ACO2: variants seen among roughly 807,000 people sequenced by gnomAD.
ACO2 encodes aconitase 2, also known as aconitate hydratase, mitochondrial.
Under a neutral mutation model 84.5 loss-of-function variants are expected in ACO2, and 31 were observed. The observed-to-expected ratio is 0.37, with a 90% CI of 0.28 to 0.50. The LOEUF (loss-of-function observed/expected upper bound fraction) is 0.50, where lower values mean the gene tolerates loss of function less well. Among genes scored for constraint, ACO2 ranks in the 20% least tolerant of loss-of-function variants. The pLI is 0.97. For missense variants in ACO2, 685 were observed against 1,029.3 expected, an observed-to-expected ratio of 0.67 and a Z score of 4.58; for synonymous variants, 414 against 412.7, an observed-to-expected ratio of 1.00 and a Z score of -0.04.
intron 2 of ACO2, among the ~76,000 whole-genome samples, chr22:41,501,924 C>T (rs1440182781): frequency 6.6e-6 from 1 of 152,080 alleles, no homozygotes; most frequent in Admixed American, 6.5e-5. Context: ...ACAGGAGTAC[C>T]CACCTTGTTG....
chr22:41,475,652 T>C (rs2038004270), intron 1 of ACO2, among the ~76,000 whole-genome samples: 1 of 151,786 alleles, frequency 6.6e-6, no homozygotes. Flanking sequence ...CCCAGCACTT[T>C]GGGAGGCTGA....
intron 14 of ACO2, 65 bp downstream of exon 14, chr22:41,525,413 G>A (rs1326534226): frequency 2.1e-5 from 33 of 1,588,462 alleles, no homozygotes; most frequent in Non-Finnish European, 2.7e-5. Flanking sequence ...CTGAGCATCG[G>A]GAAGGGCCAT....
In ACO2 at chr22:41,515,700, A is replaced by G. The variant is rs993293125; in HGVS notation, c.685-67A>G. Reference sequence around the variant, plus strand: ...CAGCAATGTGAATGGCAGCAGGGCCATCCTGACTTCGTGGCTGGCACAGGC... The same window carrying G: ...CAGCAATGTGAATGGCAGCAGGGCCGTCCTGACTTCGTGGCTGGCACAGGC... On this transcript the variant is annotated intron_variant, in intron 5 of 17. Coordinates refer to ENST00000216254, the MANE Select transcript of ACO2 (RefSeq NM_001098.3). This position sits in a 1 kb window ranked among gnomAD's most constrained non-coding sequence, Gnocchi z 5.8. The G allele has an allele frequency of 1.9e-6, 3 of 1,609,948 alleles. No homozygotes were observed. Among genetic ancestry groups the G allele is most frequent in the Non-Finnish European group, 2.5e-6 (3 of 1,178,240 alleles).
rs1804785 is a variant in ACO2, at chr22:41,528,572, G to A, written c.2302G>A (p.Ala768Thr). 20 of 1,612,652 alleles carry A rather than the reference G, an allele frequency of 1.2e-5. No homozygotes were observed. The highest frequency in any genetic ancestry group is 1.5e-5 in the Non-Finnish European group (18 of 1,180,006). ...FNETQIEWFR[A>T]GSALNRMKEL... The stretch of plus-strand genomic sequence containing the variant: ...CGAGACGCAGATTGAGTGGTTCCGC[G>A]CTGGCAGTGCCCTCAACAGAATGAA... Residue 768 changes from alanine to threonine, a missense_variant, in exon 18 of 18, where the codon GCT (alanine) becomes ACT (threonine). Ala to Thr is a moderately conservative substitution (Grantham distance 58). Transcript: ENST00000216254.
intron 2 of ACO2, among the ~76,000 whole-genome samples, chr22:41,505,418 A>AAATAAT (rs796992939): frequency 2.7e-5 from 4 of 146,748 alleles, no homozygotes; most frequent in Non-Finnish European, 4.5e-5. Context: ...CCCTGTCTCA[A>AAATAAT]AATAATAACA....
In ACO2 at chr22:41,523,920, T is replaced by A; in HGVS notation, c.1461T>A (p.His487Gln). The A allele has an allele frequency of 6.2e-7, 1 of 1,612,904 alleles. No homozygotes were observed. The highest frequency in any genetic ancestry group is 8.5e-7 in the Non-Finnish European group (1 of 1,179,930). Residue 487 changes from histidine (H) to glutamine (Q), a missense_variant, in exon 12 of 18, where the codon CAT becomes CAA. This residue lies in a region of ACO2 where 311 missense variants were observed against 441.6 expected (regional missense o/e 0.70). Transcript: ENST00000216254. ...GCAACGACGCAAACCCCGAGACCCA[T>A]GCCTTTGTCACGTCCCCAGAGGTGA... ...TGRNDANPET[H>Q]AFVTSPEIVT...
In ACO2 at chr22:41,469,180, C is replaced by T. The variant is rs1131691759; in HGVS notation, c.34C>T (p.Gln12Ter). The change falls in exon 1 of 18, where the codon CAG (glutamine) becomes TAG (stop). Residue 12 changes from glutamine (Q) to a stop codon, truncating the protein, a stop_gained and splice_region_variant. Coordinates refer to ENST00000216254, the MANE Select transcript of ACO2 (RefSeq NM_001098.3). LOFTEE classifies it high-confidence loss of function. ...APYSLLVTRLQKALGVRQYHV... is the reference protein window; with the variant it reads ...APYSLLVTRL ...CTACAGCCTACTGGTGACTCGGCTG[C>T]AGGTGAGCGAGCTCAGGGACCTCTG... 1 of 1,607,518 alleles carries T rather than the reference C, an allele frequency of 6.2e-7. No homozygotes were observed. Among genetic ancestry groups the T allele is most frequent in the Non-Finnish European group, 8.5e-7 (1 of 1,176,782 alleles).
chr22:41,517,409 CTGAG>C, intron 6 of ACO2, 114 bp from the exon 7 acceptor site: 1 of 812,084 alleles, frequency 1.2e-6, no homozygotes, highest in Non-Finnish European at 2.0e-6. Context: ...CCACATCTCT[CTGAG>C]TGGGAGGAGA....
At chr22:41,523,520 G>A (rs2066544898) in intron 11 of ACO2, among the ~76,000 whole-genome samples, 1 of 152,238 alleles carries the variant, frequency 6.6e-6, no homozygotes. Context: ...GAGGAAGCCA[G>A]CGCGGCCTCA....
At chr22:41,526,756 T>G in intron 15 of ACO2, 1 of 366,776 alleles carries the variant, frequency 2.7e-6, no homozygotes, top group African/African-American at 2.1e-5. Context: ...GGCCAAAAGC[T>G]CAGAGAGGGG....
chr22:41,482,087 G>C (rs77273466), intron 1 of ACO2, among the ~76,000 whole-genome samples: 2 of 152,148 alleles, frequency 1.3e-5, no homozygotes, highest in Non-Finnish European at 2.9e-5. Flanking sequence ...CTGGCTCCCC[G>C]GTGGGGGTCT....
At position 41,526,626 on chromosome 22, in the gene ACO2, C is replaced by G. The variant is rs149793884; in HGVS notation, c.1953+173C>G. ...CAGCCCCTCCCTGTGGCTGAGAAGG[C>G]ATGAGGCCCAGGTCCGGTGGTACAG... On this transcript the variant is annotated intron_variant, in intron 15 of 17. Transcript: ENST00000216254. The G allele has an allele frequency of 1.3e-3, 836 of 634,472 alleles. 2 individuals are homozygous for G. The highest frequency in any genetic ancestry group is 8.9e-3 in the Middle Eastern group (20 of 2,248). The allele number at this position is 634,472 out of a possible 1,614,324, so 39.3% of individuals were successfully genotyped here.
At position 41,524,061 on chromosome 22, in the gene ACO2, G is replaced by C. The variant is rs1385873624; in HGVS notation, c.1482+120G>C. ...TCCAAGTGGTAGCCAGGAGCTACAG[G>C]CCTTCCCAGCCTCAGGCGCATGCTT... On this transcript the variant is annotated intron_variant, in intron 12 of 17. Coordinates refer to ENST00000216254, the MANE Select transcript of ACO2 (RefSeq NM_001098.3). The C allele has an allele frequency of 3.7e-6, 3 of 801,556 alleles. No individual in the cohort carries two copies. The East Asian group carries it at 8.1e-5, about 22-fold the overall frequency. 49.7% of individuals were successfully genotyped at this position (801,556 alleles called of 1,614,324 possible).
chr22:41,516,874 C>CA (rs1206964824), intron 6 of ACO2, among the ~76,000 whole-genome samples: 4 of 152,004 alleles, frequency 2.6e-5, no homozygotes, highest in African/African-American at 7.3e-5. Flanking sequence ...AGGTGTGCAC[C>CA]ATGATGCCTG....
chr22:41,524,028 T>C, intron 12 of ACO2, 87 bp downstream of exon 12: 1 of 1,176,188 alleles, frequency 8.5e-7, no homozygotes, highest in African/African-American at 1.5e-5. Flanking sequence ...AGATGGGGAC[T>C]GGGGTCATCC....
intron 2 of ACO2, among the ~76,000 whole-genome samples, chr22:41,500,360 T>TTA (rs1183251992): frequency 2.0e-5 from 3 of 147,684 alleles, no homozygotes; most frequent in African/African-American, 7.4e-5. Context: ...ATATATATAT[T>TTA]TATATATATA....
intron 3 of ACO2, 47 bp downstream of exon 3, chr22:41,508,096 C>T (rs376128073): frequency 3.8e-6 from 6 of 1,574,950 alleles, no homozygotes; most frequent in Middle Eastern, 1.7e-4. Context: ...CAAGACTGGG[C>T]GAGAGGCCTC....
intron 1 of ACO2, among the ~76,000 whole-genome samples, chr22:41,478,701 G>A (rs2038049145): frequency 6.6e-6 from 1 of 151,676 alleles, no homozygotes; most frequent in Non-Finnish European, 1.5e-5. Context: ...GCATTTGTGG[G>A]ACTTACCAAA....
intron 1 of ACO2, among the ~76,000 whole-genome samples, chr22:41,484,152 T>A (rs1351956340): frequency 2.0e-5 from 3 of 152,226 alleles, no homozygotes; most frequent in Non-Finnish European, 4.4e-5. Flanking sequence ...TAATAATGCG[T>A]AAAGATGTTA....
Sources: gnomAD v4.1 joint callset for allele counts (sites outside exome capture counted in the v4.1 genomes callset) on GRCh38, gnomAD v4.1.1 for gene constraint, gnomAD v4.1.1 regional missense constraint, Gnocchi (gnomAD v3.1) non-coding constraint, MANE v1.5 for transcripts, NCBI Gene and HGNC (gene_info 2026-07-23, HGNC 2026-07-21) for gene names.